CDH12: variants seen among roughly 807,000 people sequenced by gnomAD.
CDH12 encodes the protein cadherin 12, also known as cadherin-12.
In CDH12, 41 loss-of-function variants were observed where a neutral mutation model predicts 74.1. That is an observed-to-expected ratio of 0.55 (90% CI 0.43 to 0.72). The LOEUF (loss-of-function observed/expected upper bound fraction) is 0.72, where lower values mean the gene tolerates loss of function less well. CDH12 is among the 30% of genes least tolerant of loss of function. The probability of loss-of-function intolerance (pLI) is 0.00; values close to 1 mark genes in which losing one functional copy is unlikely to be tolerated. For synonymous variants in CDH12, 399 were observed against 355.0 expected, an observed-to-expected ratio of 1.12 and a Z score of -1.39; for missense variants, 945 against 977.2, an observed-to-expected ratio of 0.97 and a Z score of 0.44.
intron 2 of CDH12, among the ~76,000 whole-genome samples, chr5:22,477,072 A>C (rs1746197543): frequency 6.6e-6 from 1 of 152,156 alleles, no homozygotes; most frequent in South Asian, 2.1e-4. Flanking sequence ...TACACAAAAA[A>C]CACCCTACTG....
intron 3 of CDH12, among the ~76,000 whole-genome samples, chr5:22,265,161 C>T (rs1390299883): frequency 3.9e-5 from 6 of 152,192 alleles, no homozygotes; most frequent in South Asian, 4.1e-4. Context: ...CAAAATGCTA[C>T]GTTCAAATTA....
chr5:22,307,685 T>C (rs1738173310), intron 3 of CDH12, among the ~76,000 whole-genome samples: 1 of 152,086 alleles, frequency 6.6e-6, no homozygotes, highest in African/African-American at 2.4e-5. Flanking sequence ...ATTGAGGCCA[T>C]TTAAGATTAT....
At chr5:22,095,433 A>C (rs1049161958) in intron 4 of CDH12, among the ~76,000 whole-genome samples, 3 of 151,984 alleles carry the variant, frequency 2.0e-5, no homozygotes, top group African/African-American at 7.3e-5. Flanking sequence ...CATTGCAGGG[A>C]CGCCTCTCTG....
intron 1 of CDH12, among the ~76,000 whole-genome samples, chr5:22,615,604 A>G (rs1737653992): frequency 6.6e-6 from 1 of 152,152 alleles, no homozygotes; most frequent in Non-Finnish European, 1.5e-5. Flanking sequence ...TGAGGCCAAC[A>G]AAACAAAAGC....
chr5:21,967,237 T>C (rs1756625942), intron 6 of CDH12, among the ~76,000 whole-genome samples: 1 of 152,202 alleles, frequency 6.6e-6, no homozygotes, highest in South Asian at 2.1e-4. Flanking sequence ...TGCTCTCCCA[T>C]GATCACTTAT....
At chr5:22,389,836 G>T (rs2126413772) in intron 3 of CDH12, among the ~76,000 whole-genome samples, 1 of 152,054 alleles carries the variant, frequency 6.6e-6, no homozygotes, top group South Asian at 2.1e-4. Flanking sequence ...TTTTAGTAGA[G>T]AGGGGGTTTC....
intron 1 of CDH12, among the ~76,000 whole-genome samples, chr5:22,830,572 C>T (rs958602623): frequency 8.6e-5 from 13 of 151,694 alleles, no homozygotes; most frequent in African/African-American, 2.2e-4. Flanking sequence ...CAAATAGTTA[C>T]GTGCTCTCCT....
At chr5:21,872,783 G>GATCGATCGATCT (rs1226388865) in intron 6 of CDH12, among the ~76,000 whole-genome samples, 1 of 142,024 alleles carries the variant, frequency 7.0e-6, no homozygotes, top group Non-Finnish European at 1.6e-5. Context: ...TTAAGAGTAA[G>GATCGATCGATCT]ATCTATCTAT....
At chr5:22,263,367 G>A (rs1753592134) in intron 3 of CDH12, among the ~76,000 whole-genome samples, 1 of 152,040 alleles carries the variant, frequency 6.6e-6, no homozygotes, top group Admixed American at 6.6e-5. Flanking sequence ...GAAAAGAGTA[G>A]GGTAAAGGAT....
At chr5:22,581,491 G>A (rs752675882) in intron 1 of CDH12, among the ~76,000 whole-genome samples, 4 of 152,200 alleles carry the variant, frequency 2.6e-5, no homozygotes, top group Non-Finnish European at 5.9e-5. Context: ...GGTTCCCAAA[G>A]CTCAATTCTT....
chr5:22,029,616 G>A (rs543983275), intron 5 of CDH12, among the ~76,000 whole-genome samples: 5 of 152,276 alleles, frequency 3.3e-5, no homozygotes, highest in South Asian at 4.1e-4. Context: ...GGAAACAACA[G>A]GTGATAGAGA....
At chr5:22,258,693 A>C (rs144884728) in intron 3 of CDH12, among the ~76,000 whole-genome samples, 3 of 152,192 alleles carry the variant, frequency 2.0e-5, no homozygotes, top group African/African-American at 7.2e-5. Context: ...CCATATATTT[A>C]CTGTATCTTC....
At chr5:21,908,295 G>T (rs758956640) in intron 6 of CDH12, among the ~76,000 whole-genome samples, 1 of 152,156 alleles carries the variant, frequency 6.6e-6, no homozygotes, top group African/African-American at 2.4e-5. Flanking sequence ...AACTGCAATC[G>T]TGAGGACAAT....
At chr5:21,835,732 T>C (rs1171161109) in intron 8 of CDH12, among the ~76,000 whole-genome samples, 22 of 151,752 alleles carry the variant, frequency 1.4e-4, no homozygotes, top group Admixed American at 1.4e-3. Flanking sequence ...AAAAAACATT[T>C]CTTTAAAAAA....
intron 1 of CDH12, among the ~76,000 whole-genome samples, chr5:22,624,401 T>A (rs1248318536): frequency 6.6e-6 from 1 of 152,014 alleles, no homozygotes; most frequent in South Asian, 2.1e-4. Context: ...ATTTTTGCAA[T>A]CTACTCATCT....
chr5:22,119,451 G>C (rs886239691), intron 4 of CDH12, among the ~76,000 whole-genome samples: 1 of 151,772 alleles, frequency 6.6e-6, no homozygotes, highest in African/African-American at 2.4e-5. Flanking sequence ...CACCATGCCA[G>C]GCTAATTTTT....
intron 3 of CDH12, among the ~76,000 whole-genome samples, chr5:22,265,236 T>C (rs1205466483): frequency 6.6e-6 from 1 of 152,114 alleles, no homozygotes; most frequent in African/African-American, 2.4e-5. Flanking sequence ...GGAAAATTAT[T>C]TGTGGAAAAA....
intron 1 of CDH12, among the ~76,000 whole-genome samples, chr5:22,700,299 A>T (rs1742647687): frequency 6.6e-6 from 1 of 152,158 alleles, no homozygotes; most frequent in Non-Finnish European, 1.5e-5. Context: ...CTGTGGACAA[A>T]TGTTCTGTGT....
chr5:21,886,623 C>A (rs1752648206), intron 6 of CDH12, among the ~76,000 whole-genome samples: 2 of 148,572 alleles, frequency 1.3e-5, no homozygotes, highest in Admixed American at 1.3e-4. Context: ...AGGTTTTGTT[C>A]TATTTCTTTA....
Sources: allele counts gnomAD v4.1 joint callset (sites outside exome capture counted in the v4.1 genomes callset), GRCh38; gene constraint gnomAD v4.1.1; transcripts MANE v1.5; gene names NCBI Gene and HGNC (gene_info 2026-07-23, HGNC 2026-07-21).